SEMA6D: variants seen among roughly 807,000 people sequenced by gnomAD.
The protein encoded by SEMA6D is semaphorin 6D.
In SEMA6D, 35 loss-of-function variants were observed where a neutral mutation model predicts 106.6. The observed-to-expected ratio is 0.33, with a 90% CI of 0.25 to 0.44. The LOEUF is 0.44. Among genes scored for constraint, SEMA6D ranks in the 20% least tolerant of loss-of-function variants. SEMA6D has a pLI of 1.00. For synonymous variants in SEMA6D, 499 were observed against 487.7 expected (o/e 1.02, Z -0.31); for missense variants, 1,185 against 1,345.9 (o/e 0.88, Z 1.87).
chr15:47,351,575 T>C (rs1250427325), intron 1 of SEMA6D, among the ~76,000 whole-genome samples: 1 of 152,172 alleles, frequency 6.6e-6, no homozygotes, highest in Non-Finnish European at 1.5e-5. Context: ...GTCAGGTGGC[T>C]AGTTTTAGAC....
chr15:47,247,551 G>A (rs1307613867), intron 1 of SEMA6D, among the ~76,000 whole-genome samples: 3 of 152,090 alleles, frequency 2.0e-5, no homozygotes, highest in Admixed American at 2.0e-4. Context: ...GAATAGTATT[G>A]AATATTCACT....
At chr15:47,405,584 A>G (rs1021896427) in intron 1 of SEMA6D, among the ~76,000 whole-genome samples, 8 of 152,160 alleles carry the variant, frequency 5.3e-5, no homozygotes, top group Non-Finnish European at 1.0e-4. Flanking sequence ...GGTCTTTCCC[A>G]TAGCAACAAA....
chr15:47,265,358 T>C (rs935608231), intron 1 of SEMA6D, among the ~76,000 whole-genome samples: 7 of 151,974 alleles, frequency 4.6e-5, no homozygotes, highest in Non-Finnish European at 7.4e-5. Context: ...TCTATGATTG[T>C]ATCCATTTTA....
At chr15:47,453,279 G>C (rs1248525585) in intron 2 of SEMA6D, among the ~76,000 whole-genome samples, 2 of 150,552 alleles carry the variant, frequency 1.3e-5, no homozygotes, top group African/African-American at 2.4e-5. Flanking sequence ...TGACTTAAGT[G>C]CCCTTTCGAA....
chr15:47,375,576 TC>T (rs1411173082), intron 1 of SEMA6D, among the ~76,000 whole-genome samples: 1 of 152,220 alleles, frequency 6.6e-6, no homozygotes, highest in African/African-American at 2.4e-5. Flanking sequence ...GGGTATCACT[TC>T]CTACCCAGCT....
At chr15:47,381,058 G>A (rs2145615602) in intron 1 of SEMA6D, among the ~76,000 whole-genome samples, 1 of 152,334 alleles carries the variant, frequency 6.6e-6, no homozygotes, top group African/African-American at 2.4e-5. Context: ...GCAAAAATGT[G>A]AATTAAGCCA....
intron 2 of SEMA6D, among the ~76,000 whole-genome samples, chr15:47,457,800 A>G (rs7175662): frequency 0.48 from 72,550 of 151,614 alleles, 18,374 homozygotes; most frequent in African/African-American, 0.64. Context: ...AAGAAACTCA[A>G]TAAATGCCAA....
At chr15:47,202,968 T>C (rs1431512368) in intron 1 of SEMA6D, among the ~76,000 whole-genome samples, 1 of 152,186 alleles carries the variant, frequency 6.6e-6, no homozygotes, top group African/African-American at 2.4e-5. Flanking sequence ...CAACAACATC[T>C]CTTTCTTTCC....
chr15:47,348,727 C>CACACCACACACACAGAGAG (rs1450109233), intron 1 of SEMA6D, among the ~76,000 whole-genome samples: 1 of 57,054 alleles, frequency 1.8e-5, no homozygotes, highest in African/African-American at 5.0e-5. Context: ...ACCACACACA[C>CACACCACACACACAGAGAG]AGAGAGAGAG....
At chr15:47,385,036 T>A (rs2039781505) in intron 1 of SEMA6D, among the ~76,000 whole-genome samples, 2 of 147,854 alleles carry the variant, frequency 1.4e-5, no homozygotes. Context: ...TTCATGGAGC[T>A]GGACTGTAAT....
chr15:47,761,079 G>C, intron 4 of SEMA6D, 41 bp downstream of exon 4: 3 of 1,611,856 alleles, frequency 1.9e-6, no homozygotes, highest in Non-Finnish European at 2.5e-6. Context: ...CCTTCCCTCT[G>C]AACCTGATTA....
chr15:47,445,301 C>T (rs1441052190), intron 2 of SEMA6D, among the ~76,000 whole-genome samples: 1 of 152,054 alleles, frequency 6.6e-6, no homozygotes, highest in Non-Finnish European at 1.5e-5. Context: ...TGGGGGACCT[C>T]TGCCGGGGAA....
chr15:47,228,504 A>C (rs1227337193), intron 1 of SEMA6D, among the ~76,000 whole-genome samples: 1 of 151,972 alleles, frequency 6.6e-6, no homozygotes, highest in Non-Finnish European at 1.5e-5. Flanking sequence ...GTTAAATCTC[A>C]GTCAGTTCCT....
intron 1 of SEMA6D, among the ~76,000 whole-genome samples, chr15:47,743,392 T>C (rs2080933931): frequency 6.6e-6 from 1 of 152,134 alleles, no homozygotes; most frequent in Non-Finnish European, 1.5e-5. Flanking sequence ...GTTTTTTTTT[T>C]CTTGAGAAGG....
At chr15:47,714,438 T>C (rs140233644), upstream of SEMA6D, among the ~76,000 whole-genome samples, 3 of 152,368 alleles carry the variant, frequency 2.0e-5, no homozygotes, top group Non-Finnish European at 4.4e-5. Flanking sequence ...TACTGATGTT[T>C]TGTTTAATAA....
At chr15:47,761,457 T>G (rs769119796) in intron 6 of SEMA6D, 26 bp downstream of exon 6, 20 of 1,548,218 alleles carry the variant, frequency 1.3e-5, no homozygotes, top group Non-Finnish European at 1.7e-5. Context: ...GTGATATGCT[T>G]CTTTTGATCA....
At chr15:47,386,788 A>G (rs185322435) in intron 1 of SEMA6D, among the ~76,000 whole-genome samples, 2 of 152,324 alleles carry the variant, frequency 1.3e-5, no homozygotes, top group East Asian at 3.9e-4. Flanking sequence ...TCTTATAGCC[A>G]TTTAATAAGC....
intron 1 of SEMA6D, among the ~76,000 whole-genome samples, chr15:47,235,888 C>A (rs1190859066): frequency 1.3e-5 from 2 of 152,054 alleles, no homozygotes; most frequent in Middle Eastern, 3.2e-3. Flanking sequence ...TTGAGTGGAT[C>A]TTCCAGGGAA....
intron 17 of SEMA6D, among the ~76,000 whole-genome samples, chr15:47,767,969 G>A (rs571572267): frequency 3.3e-5 from 5 of 152,222 alleles, no homozygotes; most frequent in African/African-American, 1.2e-4. Context: ...CAGCAGTTTT[G>A]GAGAGAGTAC....
Sources: allele counts gnomAD v4.1 joint callset (sites outside exome capture counted in the v4.1 genomes callset), GRCh38; gene constraint gnomAD v4.1.1; transcripts MANE v1.5; gene names NCBI Gene and HGNC (gene_info 2026-07-23, HGNC 2026-07-21).